COL21A1: variants seen among roughly 807,000 people sequenced by gnomAD.
The protein encoded by COL21A1 is collagen alpha-1(XXI) chain.
COL21A1 carries 149 observed loss-of-function variants against 137.9 expected under a neutral mutation model. The observed-to-expected ratio is 1.08, with a 90% confidence interval of 0.95 to 1.24. The LOEUF (loss-of-function observed/expected upper bound fraction) is 1.24, where lower values mean the gene tolerates loss of function less well. Among genes scored for constraint, COL21A1 ranks in the 50% most tolerant of loss-of-function variants. The pLI is 0.00. For synonymous variants in COL21A1, 456 were observed against 391.5 expected (o/e 1.16, Z -1.95); for missense variants, 1,167 against 1,158.4 (o/e 1.01, Z -0.11).
intron 1 of COL21A1, among the ~76,000 whole-genome samples, chr6:56,356,531 A>G (rs1318988035): frequency 6.6e-6 from 1 of 152,214 alleles, no homozygotes; most frequent in African/African-American, 2.4e-5. Flanking sequence ...TAAAATAATG[A>G]CTGCCTTATG....
At chr6:56,196,196 A>T (rs539088024) in intron 1 of COL21A1, among the ~76,000 whole-genome samples, 1 of 152,250 alleles carries the variant, frequency 6.6e-6, no homozygotes, top group African/African-American at 2.4e-5. Flanking sequence ...AAACTCAACA[A>T]ATTAGGCATG....
intron 1 of COL21A1, among the ~76,000 whole-genome samples, chr6:56,263,441 A>G (rs961392094): frequency 6.6e-6 from 1 of 152,178 alleles, no homozygotes. Context: ...TGGAGTAGTG[A>G]ATGGAGAATG....
chr6:56,166,924 T>G lies in COL21A1; in HGVS notation c.1260A>C (p.Ala420=), dbSNP rs1294681068. The G allele has an allele frequency of 1.9e-6, 3 of 1,612,656 alleles. No individual in the cohort carries two copies. Among genetic ancestry groups the G allele is most frequent in the Non-Finnish European group, 2.5e-6 (3 of 1,179,330 alleles). The part of the protein sequence containing the change: ...CDPEQNNRET[A]CEIPGFNGEC... ...TACTTACAAATCCAGGAATCTCACA[T>G]GCTGTCTCCCGGTTGTTCTGTTCTG... Residue 420 remains alanine (A), a synonymous_variant, in exon 7 of 30, where the codon GCA becomes GCC. Transcript: ENST00000244728.
intron 1 of COL21A1, among the ~76,000 whole-genome samples, chr6:56,266,706 C>T (rs1052214824): frequency 6.6e-6 from 1 of 152,166 alleles, no homozygotes. Flanking sequence ...ATAAACTCTC[C>T]ACTTTAGTAA....
intron 12 of COL21A1, among the ~76,000 whole-genome samples, chr6:56,127,733 T>C (rs1389511318): frequency 2.0e-5 from 3 of 152,246 alleles, no homozygotes; most frequent in African/African-American, 4.8e-5. Flanking sequence ...CATTTGTATG[T>C]AGCCTTTTGT....
At chr6:56,269,053 C>G (rs538291837) in intron 1 of COL21A1, among the ~76,000 whole-genome samples, 6 of 152,256 alleles carry the variant, frequency 3.9e-5, no homozygotes, top group African/African-American at 1.4e-4. Flanking sequence ...CAAATCAACT[C>G]ACATAAAAAT....
chr6:56,275,584 T>C (rs1035987214), intron 1 of COL21A1, among the ~76,000 whole-genome samples: 2 of 152,078 alleles, frequency 1.3e-5, no homozygotes, highest in Admixed American at 6.6e-5. Flanking sequence ...AATGATGAAA[T>C]TGTATAAGCA....
intron 16 of COL21A1, among the ~76,000 whole-genome samples, chr6:56,106,090 A>T (rs1197622470): frequency 6.6e-6 from 1 of 152,172 alleles, no homozygotes; most frequent in African/African-American, 2.4e-5. Context: ...CTTCAATGCA[A>T]CTTCTATATT....
At chr6:56,265,937 C>A (rs2152331547) in intron 1 of COL21A1, among the ~76,000 whole-genome samples, 1 of 152,222 alleles carries the variant, frequency 6.6e-6, no homozygotes, top group South Asian at 2.1e-4. Context: ...AGTAAATACA[C>A]ATTCGCAACT....
chr6:56,225,209 G>C (rs578035820), intron 1 of COL21A1, among the ~76,000 whole-genome samples: 9 of 152,086 alleles, frequency 5.9e-5, no homozygotes, highest in African/African-American at 1.9e-4. Flanking sequence ...GTTACAATAA[G>C]ATTTCTACTA....
intron 19 of COL21A1, among the ~76,000 whole-genome samples, chr6:56,074,671 T>C (rs971368527): frequency 6.6e-6 from 1 of 151,352 alleles, no homozygotes; most frequent in African/African-American, 2.4e-5. Context: ...TAGAATTCTA[T>C]TATCTTGAAC....
chr6:56,345,824 G>T (rs73745615), intron 1 of COL21A1, among the ~76,000 whole-genome samples: 4 of 152,310 alleles, frequency 2.6e-5, no homozygotes, highest in African/African-American at 9.6e-5. Flanking sequence ...GGAGGCCCAG[G>T]GGCCTTCTGG....
At chr6:56,332,584 C>CCCA (rs1765253245) in intron 1 of COL21A1, among the ~76,000 whole-genome samples, 1 of 147,746 alleles carries the variant, frequency 6.8e-6, no homozygotes, top group African/African-American at 2.6e-5. Flanking sequence ...CAAATAGCCC[C>CCCA]CCCGCCCCCG....
At chr6:56,251,883 G>C (rs915472517), upstream of COL21A1, among the ~76,000 whole-genome samples, 1 of 152,162 alleles carries the variant, frequency 6.6e-6, no homozygotes, top group Admixed American at 6.5e-5. Context: ...ATTTGTGAAG[G>C]GAGTGAGAAG....
chr6:56,294,669 G>T (rs1764123913), intron 1 of COL21A1, among the ~76,000 whole-genome samples: 1 of 152,038 alleles, frequency 6.6e-6, no homozygotes, highest in Admixed American at 6.6e-5. Flanking sequence ...GTGTATAGTG[G>T]TATCTCATTG....
chr6:56,146,736 G>A (rs1387395829), intron 10 of COL21A1, among the ~76,000 whole-genome samples: 1 of 152,116 alleles, frequency 6.6e-6, no homozygotes, highest in Non-Finnish European at 1.5e-5. Context: ...ATAAGCAGAA[G>A]CAAGCTGAAA....
At chr6:56,174,027 C>A (rs774032089) in intron 3 of COL21A1, among the ~76,000 whole-genome samples, 9 of 151,986 alleles carry the variant, frequency 5.9e-5, no homozygotes, top group Admixed American at 1.3e-4. Context: ...AAATTAACAA[C>A]AGGAGGAAAA....
chr6:56,209,529 T>C (rs1780019388), intron 1 of COL21A1, among the ~76,000 whole-genome samples: 2 of 152,206 alleles, frequency 1.3e-5, no homozygotes, highest in South Asian at 4.1e-4. Context: ...ATATGAAAAA[T>C]GCTCATCATC....
intron 1 of COL21A1, among the ~76,000 whole-genome samples, chr6:56,292,149 G>A (rs140770935): frequency 0.012 from 1,808 of 152,192 alleles, 13 homozygotes; most frequent in Non-Finnish European, 0.015. Context: ...AGCCTGGGCC[G>A]CAGAATGAGA....
Sources: allele counts gnomAD v4.1 joint callset (sites outside exome capture counted in the v4.1 genomes callset), GRCh38; gene constraint gnomAD v4.1.1; transcripts MANE v1.5; gene names NCBI Gene and HGNC (gene_info 2026-07-23, HGNC 2026-07-21).